Variants in SYT2 observed in about 807,000 individuals in gnomAD.
SYT2 encodes synaptotagmin-2.
A neutral mutation model predicts 39.9 loss-of-function variants in SYT2; 15 were observed. That is an observed-to-expected ratio of 0.38 (90% CI 0.25 to 0.58). The LOEUF (loss-of-function observed/expected upper bound fraction) is 0.58. SYT2 is among the 20% of genes least tolerant of loss of function. The pLI, the probability that SYT2 is intolerant of heterozygous loss-of-function variation, is 0.70. For synonymous variants in SYT2, 181 were observed against 204.5 expected (o/e 0.89, Z 0.98); for missense variants, 389 against 530.3 (o/e 0.73, Z 2.62).
At position 202,708,111 on chromosome 1, in the gene SYT2, C is replaced by G. The variant is rs1265903825; in HGVS notation, c.-18+2147G>C. On this transcript the variant is annotated intron_variant, in intron 1 of 8. Coordinates refer to ENST00000367268, the MANE Select transcript of SYT2 (RefSeq NM_177402.5). The stretch of plus-strand genomic sequence containing the variant: ...TTCAGTCCTAAATTGAAGCCAGTTG[C>G]AAGCTTCTCTAGGTGAAAAGTCAAT... 2.6e-5 allele frequency among the ~76,000 whole-genome samples: 4 copies of G among 152,196 alleles called. No individual in the cohort carries two copies. The South Asian group carries it at 6.2e-4, about 24-fold the overall frequency.
chr1:202,685,649 A>C (rs963694970), intron 1 of SYT2, among the ~76,000 whole-genome samples: 1 of 152,054 alleles, frequency 6.6e-6, no homozygotes, highest in African/African-American at 2.4e-5. Flanking sequence ...CTACCCTTGG[A>C]AGCCGGTGTC....
chr1:202,616,160 C>T (rs1691025957), intron 1 of SYT2, among the ~76,000 whole-genome samples: 1 of 152,162 alleles, frequency 6.6e-6, no homozygotes, highest in African/African-American at 2.4e-5. Flanking sequence ...CCTCACACCC[C>T]TCCTCTCTCT....
intron 1 of SYT2, among the ~76,000 whole-genome samples, chr1:202,693,199 T>C (rs1653882803): frequency 6.6e-6 from 1 of 152,176 alleles, no homozygotes; most frequent in Non-Finnish European, 1.5e-5. Context: ...CTTGCATTTC[T>C]AAATACTGTT....
chr1:202,698,602 GT>G (rs1654033729), intron 1 of SYT2, among the ~76,000 whole-genome samples: 1 of 152,156 alleles, frequency 6.6e-6, no homozygotes, highest in South Asian at 2.1e-4. Flanking sequence ...GCAGGCAGTT[GT>G]CTAGGCAGAC....
At position 202,628,633 on chromosome 1, in the gene SYT2, G is replaced by A. The variant is rs759625842; in HGVS notation, c.-17-22844C>T. ...GCTCTCTCCTGCCTGACCGGGGGCCGGGACAGACATGGGAGATAGGGGCCA... is the reference window on the plus strand; with the variant it reads ...GCTCTCTCCTGCCTGACCGGGGGCCAGGACAGACATGGGAGATAGGGGCCA... On this transcript the variant is annotated intron_variant, in intron 1 of 8. Transcript: ENST00000367268. The surrounding 1 kb of genome is among the most constrained non-coding windows in gnomAD (Gnocchi z 4.2). Among the ~76,000 whole-genome samples, 1 of 152,192 alleles carries A rather than the reference G, an allele frequency of 6.6e-6. No individual in the cohort carries two copies. Among genetic ancestry groups the A allele is most frequent in the Non-Finnish European group, 1.5e-5 (1 of 68,038 alleles).
At position 202,623,818 on chromosome 1, in the gene SYT2, CA is replaced by C. The variant is rs1691267871; in HGVS notation, c.-17-18030del. On this transcript the variant is annotated intron_variant, in intron 1 of 8. Transcript: ENST00000367268. This position sits in a 1 kb window ranked among gnomAD's most constrained non-coding sequence, Gnocchi z 4.2. ...AACTGCCAGCTGGGGGAGCGCTCAC[CA>C]GGGGAAAGGGGAGCTCTCTGTGGCT... is the stretch of plus-strand genomic sequence containing the variant. Among the ~76,000 whole-genome samples, 1 of 152,062 alleles carries C rather than the reference CA, an allele frequency of 6.6e-6. No individual in the cohort carries two copies. The highest frequency in any genetic ancestry group is 1.5e-5 in the Non-Finnish European group (1 of 68,016).
chr1:202,602,801 G>C (rs1229010709), intron 4 of SYT2, among the ~76,000 whole-genome samples, 198 bp downstream of exon 4: 1 of 152,114 alleles, frequency 6.6e-6, no homozygotes, highest in Non-Finnish European at 1.5e-5. Context: ...AATCAACTTG[G>C]AACCTTCCCC....
In SYT2 at chr1:202,677,616, T is replaced by C. The variant is rs574636394; in HGVS notation, c.-18+32642A>G. On this transcript the variant is annotated intron_variant, in intron 1 of 8. Coordinates refer to ENST00000367268, the MANE Select transcript of SYT2 (RefSeq NM_177402.5). ...AGGGGCCCCAAAGAAACAGACACCA[T>C]GTGGAACAGAGATGAACCATCCCAG... 1.6e-3 allele frequency among the ~76,000 whole-genome samples: 238 copies of C among 152,330 alleles called. 2 individuals carry two copies. The highest frequency in any genetic ancestry group is 2.3e-3 in the Non-Finnish European group (159 of 68,022).
intron 1 of SYT2, among the ~76,000 whole-genome samples, chr1:202,702,444 G>C (rs916887717): frequency 2.0e-5 from 3 of 152,204 alleles, no homozygotes; most frequent in African/African-American, 7.2e-5. Flanking sequence ...GGGAGAGGGA[G>C]CCCTCCCACA....
chr1:202,648,661 G>A (rs1692136188), intron 1 of SYT2, among the ~76,000 whole-genome samples: 1 of 152,184 alleles, frequency 6.6e-6, no homozygotes, highest in South Asian at 2.1e-4. Context: ...TCTGGAGTAT[G>A]GATTTGCATC....
chr1:202,596,649 C>A lies in SYT2; in HGVS notation c.*108G>T, dbSNP rs1690307321. ...AAGGAAAAACAAGGACACAACCACCCAACAAATGAAAGAAAAAAGAAAACC... is the reference window on the plus strand; with the variant it reads ...AAGGAAAAACAAGGACACAACCACCAAACAAATGAAAGAAAAAAGAAAACC... On this transcript the variant is annotated 3_prime_UTR_variant, in exon 9 of 9. Transcript: ENST00000367268. 2.7e-6 allele frequency: 3 copies of A among 1,103,838 alleles called. No homozygotes were observed. Among genetic ancestry groups the A allele is most frequent in the East Asian group, 2.6e-5 (1 of 38,554 alleles). The allele number at this position is 1,103,838 out of a possible 1,614,324, so 68.4% of individuals were successfully genotyped here. A position where few individuals can be genotyped will look rare whatever the true frequency, so the allele number is the denominator to read the frequency against.
Position 202,709,567 on chromosome 1 carries a change from C to T in SYT2, c.-18+691G>A, listed in dbSNP as rs544367752. Among the ~76,000 whole-genome samples the T allele has an allele frequency of 4.6e-5, 7 of 152,326 alleles. No homozygotes were observed. The South Asian group carries it at 1.4e-3, about 32-fold the overall frequency. On this transcript the variant is annotated intron_variant, in intron 1 of 8. Coordinates refer to ENST00000367268, the MANE Select transcript of SYT2 (RefSeq NM_177402.5). ...CTGTCAGCACCCGCCAGGCTGCGAG[C>T]CTAGCCCTTGGGGACAGAGCTGAAG...
At chr1:202,667,598 T>A (rs992584565) in intron 1 of SYT2, among the ~76,000 whole-genome samples, 2 of 152,090 alleles carry the variant, frequency 1.3e-5, no homozygotes, top group African/African-American at 4.8e-5. Context: ...TTGGTATGTG[T>A]AACCATGAAG....
In SYT2 at chr1:202,596,550, C is replaced by G; in HGVS notation, c.*207G>C. On this transcript the variant is annotated 3_prime_UTR_variant, in exon 9 of 9. Transcript: ENST00000367268. ...TCCTGGGACCGTGAACAGAGCCAGG[C>G]TTCTCTTTCACCTCTTAGGGGACTC... The G allele has an allele frequency of 1.8e-6, 1 of 554,250 alleles. No homozygotes were observed. Among genetic ancestry groups the G allele is most frequent in the African/African-American group, 1.9e-5 (1 of 52,500 alleles). 34.3% of individuals were successfully genotyped at this position (554,250 alleles called of 1,614,324 possible).
At chr1:202,692,460 T>C (rs1422028050) in intron 1 of SYT2, among the ~76,000 whole-genome samples, 1 of 152,208 alleles carries the variant, frequency 6.6e-6, no homozygotes, top group Non-Finnish European at 1.5e-5. Context: ...GCGCTGACTT[T>C]GGGAGAACAT....
intron 1 of SYT2, among the ~76,000 whole-genome samples, chr1:202,688,680 C>T (rs4644549): frequency 0.31 from 47,225 of 152,156 alleles, 7,472 homozygotes; most frequent in South Asian, 0.42. Flanking sequence ...CAAGAGGACA[C>T]ATTCGTTTGC....
Position 202,600,377 on chromosome 1 carries a change from ATCT to A in SYT2, c.896_898del (p.Lys299del). The A allele has an allele frequency of 6.2e-7, 1 of 1,614,194 alleles. No homozygotes were observed. The highest frequency in any genetic ancestry group is 8.5e-7 in the Non-Finnish European group (1 of 1,180,028). ...CGTACCTGAAAGGCCGCCCACGTCC[ATCT>A]TCTTGAGGTTCTTAGCCTCCAGGAT... On this transcript the variant is annotated inframe_deletion, in exon 7 of 9. Coordinates refer to ENST00000367268, the MANE Select transcript of SYT2 (RefSeq NM_177402.5).
rs774761571 is a variant in SYT2 at position 202,599,290 on chromosome 1, G to C, written c.981C>G (p.Thr327=). Residue 327 remains threonine, a synonymous_variant, in exon 8 of 9, where the codon ACC becomes ACG. Transcript: ENST00000367268. The surrounding 1 kb of genome is among the most constrained non-coding windows in gnomAD (Gnocchi z 4.4). ...NGKRLKKKKT[T]VKKKTLNPYF... ...ATGGGTTCAGGGTCTTCTTCTTCAC[G>C]GTTGTCTTCTTCTTCTTGAGCCTCT... is the stretch of plus-strand genomic sequence containing the variant. The C allele has an allele frequency of 3.7e-5, 59 of 1,609,916 alleles. No individual in the cohort carries two copies. Among genetic ancestry groups the C allele is most frequent in the Non-Finnish European group, 4.8e-5 (56 of 1,178,650 alleles).
intron 1 of SYT2, among the ~76,000 whole-genome samples, chr1:202,700,374 A>C (rs1338873295): frequency 6.6e-6 from 1 of 152,212 alleles, no homozygotes; most frequent in Non-Finnish European, 1.5e-5. Flanking sequence ...CTAAGCATTC[A>C]CTGTGTGCCC....
Sources: allele counts gnomAD v4.1 joint callset (sites outside exome capture counted in the v4.1 genomes callset), GRCh38; gene constraint gnomAD v4.1.1; non-coding constraint Gnocchi (gnomAD v3.1); transcripts MANE v1.5; gene names NCBI Gene and HGNC (gene_info 2026-07-23, HGNC 2026-07-21).